The following FAM13A variants were observed in gnomAD, a reference collection of about 807,000 sequenced individuals.
FAM13A encodes the protein family with sequence similarity 13 member A, also known as protein FAM13A.
FAM13A carries 76 observed loss-of-function variants against 129.6 expected under a neutral mutation model. The observed-to-expected ratio is 0.59, with a 90% confidence interval of 0.49 to 0.71. FAM13A has a LOEUF of 0.71. FAM13A is among the 30% of genes least tolerant of loss of function. The pLI, the probability that FAM13A is intolerant of heterozygous loss-of-function variation, is 0.00. For synonymous variants in FAM13A, 443 were observed against 449.9 expected, an observed-to-expected ratio of 0.98 and a Z score of 0.20; for missense variants, 1,108 against 1,249.3, an observed-to-expected ratio of 0.89 and a Z score of 1.70.
At position 89,057,069 on chromosome 4, in the gene FAM13A, A is replaced by T; in HGVS notation, c.-105T>A. 6.4e-7 allele frequency: 1 copy of T among 1,563,242 alleles called. No homozygotes were observed. The highest frequency in any genetic ancestry group is 8.6e-7 in the Non-Finnish European group (1 of 1,158,084). The stretch of plus-strand genomic sequence containing the variant: ...CAGCACATATTCTTTGATGTGAAAA[A>T]CAGCTCCCAATGCAAAGGCCCCAAG... On this transcript the variant is annotated 5_prime_UTR_variant, in exon 1 of 24. An upstream open reading frame in the 5' UTR gains an earlier in-frame stop. Transcript: ENST00000264344.
chr4:88,802,822 C>G (rs1012020882), intron 8 of FAM13A, among the ~76,000 whole-genome samples: 7 of 152,148 alleles, frequency 4.6e-5, no homozygotes, highest in Non-Finnish European at 1.0e-4. Flanking sequence ...TCCATCTCTT[C>G]TCCACTCCAG....
intron 6 of FAM13A, among the ~76,000 whole-genome samples, chr4:88,856,975 A>G (rs1042041111): frequency 6.6e-5 from 10 of 152,204 alleles, no homozygotes; most frequent in Non-Finnish European, 1.5e-4. Flanking sequence ...AAAAAGTTTC[A>G]TTTAGCTTTC....
chr4:88,955,072 C>T (rs1305040672), intron 4 of FAM13A, among the ~76,000 whole-genome samples: 3 of 151,884 alleles, frequency 2.0e-5, no homozygotes, highest in African/African-American at 4.8e-5. Context: ...CATACCTCAC[C>T]GTTTTATAAC....
chr4:88,948,362 T>C (rs1009147508), intron 4 of FAM13A, among the ~76,000 whole-genome samples: 6 of 152,070 alleles, frequency 3.9e-5, no homozygotes, highest in African/African-American at 1.4e-4. Context: ...TCTTAAAAAG[T>C]TACGTGAAGG....
rs770283006 is a variant in FAM13A, at chr4:88,938,018, A to T, written c.759+70T>A. 3 of 1,205,008 alleles carry T rather than the reference A, an allele frequency of 2.5e-6. No homozygotes were observed. The South Asian group carries it at 3.7e-5, about 15-fold the overall frequency. The allele number at this position is 1,205,008 out of a possible 1,614,324, so 74.6% of individuals were successfully genotyped here. On this transcript the variant is annotated intron_variant, in intron 5 of 23. Coordinates refer to ENST00000264344, the MANE Select transcript of FAM13A (RefSeq NM_014883.4). ...GTTATATCCATATGGAATTTTTATG[A>T]GAAAGAATTAAATAAAATCTTCTGT...
At chr4:88,815,314 A>G (rs936020286) in intron 7 of FAM13A, among the ~76,000 whole-genome samples, 8 of 152,026 alleles carry the variant, frequency 5.3e-5, no homozygotes, top group Non-Finnish European at 1.0e-4. Context: ...CTCCTATCTT[A>G]TTTTTACCAC....
intron 3 of FAM13A, among the ~76,000 whole-genome samples, chr4:89,007,212 A>T (rs1450651771): frequency 6.6e-6 from 1 of 152,054 alleles, no homozygotes; most frequent in Non-Finnish European, 1.5e-5. Flanking sequence ...TAATTTTCCT[A>T]CCCTTGAATA....
intron 6 of FAM13A, among the ~76,000 whole-genome samples, chr4:88,887,085 G>A (rs1047823275): frequency 7.2e-5 from 11 of 152,228 alleles, no homozygotes; most frequent in African/African-American, 2.6e-4. Flanking sequence ...TCATAAGTGG[G>A]AGCTAAGCTC....
At chr4:88,858,762 T>C (rs988091009) in intron 6 of FAM13A, among the ~76,000 whole-genome samples, 3 of 152,108 alleles carry the variant, frequency 2.0e-5, no homozygotes, top group African/African-American at 7.2e-5. Context: ...CAAATGGGTA[T>C]GGGGTTTCTT....
chr4:88,742,134 CTG>C (rs1740402163), intron 19 of FAM13A, among the ~76,000 whole-genome samples: 1 of 152,162 alleles, frequency 6.6e-6, no homozygotes, highest in African/African-American at 2.4e-5. Flanking sequence ...AGCATCCCCA[CTG>C]TGAACTAGCA....
In FAM13A at chr4:89,029,631, G is replaced by A. The variant is rs148300277; in HGVS notation, c.46C>T (p.Arg16Trp). 65 of 1,577,664 alleles carry A rather than the reference G, an allele frequency of 4.1e-5. No homozygotes were observed. Among genetic ancestry groups the A allele is most frequent in the Admixed American group, 1.2e-4 (6 of 49,468 alleles). ...ATCTTTTTCATGTCTTCTTTCAGCC[G>A]AACCGCTGCTTTACTTTGCTTAAAG... Reference protein sequence around the residue: ...LAICQSKAAVRLKEDMKKIVA... With the variant: ...LAICQSKAAVWLKEDMKKIVA... Residue 16 changes from arginine to tryptophan, a missense_variant, in exon 2 of 24, where the codon CGG becomes TGG. Coordinates refer to ENST00000264344, the MANE Select transcript of FAM13A (RefSeq NM_014883.4).
chr4:88,888,490 T>C (rs1242008487), intron 6 of FAM13A, among the ~76,000 whole-genome samples: 1 of 152,128 alleles, frequency 6.6e-6, no homozygotes, highest in East Asian at 1.9e-4. Context: ...CAAAAGTCAA[T>C]TTTTACATTT....
chr4:88,952,490 C>T (rs1046708165), intron 4 of FAM13A, among the ~76,000 whole-genome samples: 4 of 152,108 alleles, frequency 2.6e-5, no homozygotes, highest in Middle Eastern at 3.2e-3. Context: ...TATTTGACAG[C>T]AGTAAGGCCT....
chr4:88,807,020 T>C (rs978695625), intron 7 of FAM13A, among the ~76,000 whole-genome samples: 1 of 152,152 alleles, frequency 6.6e-6, no homozygotes, highest in African/African-American at 2.4e-5. Flanking sequence ...AAACCTATAA[T>C]GATTTTGTTA....
At chr4:88,987,940 A>T (rs1018354112) in intron 4 of FAM13A, among the ~76,000 whole-genome samples, 6 of 151,966 alleles carry the variant, frequency 3.9e-5, no homozygotes, top group Non-Finnish European at 8.8e-5. Context: ...ACCACACAAG[A>T]AAATAATCAG....
At chr4:88,925,881 G>A (rs1031917023) in intron 5 of FAM13A, among the ~76,000 whole-genome samples, 2 of 152,128 alleles carry the variant, frequency 1.3e-5, no homozygotes, top group Admixed American at 1.3e-4. Context: ...GAAAGGAGAT[G>A]AGGATTAACT....
At chr4:88,822,533 A>G (rs910951358) in intron 7 of FAM13A, among the ~76,000 whole-genome samples, 2 of 152,172 alleles carry the variant, frequency 1.3e-5, no homozygotes, top group African/African-American at 4.8e-5. Flanking sequence ...TTCATGGAAA[A>G]TCCTTGCCTA....
At chr4:89,011,262 G>T (rs1301420294) in intron 3 of FAM13A, among the ~76,000 whole-genome samples, 1 of 152,176 alleles carries the variant, frequency 6.6e-6, no homozygotes, top group Admixed American at 6.5e-5. Context: ...TGATGACAAA[G>T]AAAGTATTGG....
rs1257605477 is a variant in FAM13A, at chr4:88,922,230, C to A, written c.760-15768G>T. ...TAGACATCTACAGAACTCTCCACCCCACATCAGCAGAATATACATTTTTTT... is the reference window on the plus strand; with the variant it reads ...TAGACATCTACAGAACTCTCCACCCAACATCAGCAGAATATACATTTTTTT... On this transcript the variant is annotated intron_variant, in intron 5 of 23. Transcript: ENST00000264344. Among the ~76,000 whole-genome samples, 8 of 152,182 alleles carry A rather than the reference C, an allele frequency of 5.3e-5. No homozygotes were observed. In the East Asian group the frequency reaches 1.5e-3, roughly 29 times the overall value.
Sources: allele counts gnomAD v4.1 joint callset (sites outside exome capture counted in the v4.1 genomes callset), GRCh38; gene constraint gnomAD v4.1.1; transcripts MANE v1.5; gene names NCBI Gene and HGNC (gene_info 2026-07-23, HGNC 2026-07-21).